KIF9: variants seen among roughly 807,000 people sequenced by gnomAD.
KIF9 encodes kinesin-like protein KIF9.
KIF9 carries 68 observed loss-of-function variants against 94.8 expected under a neutral mutation model. The ratio of observed to expected loss-of-function variants is 0.72; its 90% CI spans 0.59 to 0.88. The LOEUF is 0.88. KIF9 is among the 40% of genes least tolerant of loss of function. The pLI, the probability that KIF9 is intolerant of heterozygous loss-of-function variation, is 0.00. For missense variants in KIF9, 882 were observed against 982.5 expected (o/e 0.90, Z 1.37); for synonymous variants, 343 against 362.1 (o/e 0.95, Z 0.60).
intron 5 of KIF9, among the ~76,000 whole-genome samples, chr3:47,270,850 T>TA (rs1291923831): frequency 3.3e-5 from 5 of 149,508 alleles, no homozygotes; most frequent in African/African-American, 4.9e-5. Flanking sequence ...TCAAAGTAAG[T>TA]AAAAAACTAG....
At chr3:47,266,055 G>A (rs1701271900) in intron 7 of KIF9, 178 bp from the exon 8 acceptor site, 4 of 587,132 alleles carry the variant, frequency 6.8e-6, no homozygotes, top group Non-Finnish European at 3.0e-6. Context: ...GCTAATAATG[G>A]TAATACCAAA....
chr3:47,275,044 A>G (rs1701871471), intron 3 of KIF9, among the ~76,000 whole-genome samples: 1 of 152,236 alleles, frequency 6.6e-6, no homozygotes, highest in South Asian at 2.1e-4. Context: ...CGTATCTTCA[A>G]AACTAATACT....
rs115270319 is a variant in KIF9, at chr3:47,236,144, C to A, written c.2107G>T (p.Asp703Tyr). The change falls in exon 19 of 21, where the codon GAC (aspartate) becomes TAC (tyrosine). Residue 703 changes from aspartate (D) to tyrosine (Y), a missense_variant. Physicochemically the swap from Asp to Tyr is radical, Grantham distance 160. Coordinates refer to ENST00000684063, the MANE Select transcript of KIF9 (RefSeq NM_182902.4). ...QCRHRLLMEF[D>Y]IWYNESFVIP... ...ACAAAGGACTCATTGTACCAGATGTCAAATTCTACAAGGAGGTGAGGAGAC... is the reference window on the plus strand; with the variant it reads ...ACAAAGGACTCATTGTACCAGATGTAAAATTCTACAAGGAGGTGAGGAGAC... The A allele has an allele frequency of 6.2e-7, 1 of 1,611,798 alleles. No homozygotes were observed. Among genetic ancestry groups the A allele is most frequent in the Admixed American group, 1.7e-5 (1 of 60,004 alleles).
At chr3:47,281,170 A>G (rs1401133825) in intron 1 of KIF9, 1 of 632,864 alleles carries the variant, frequency 1.6e-6, no homozygotes, top group Admixed American at 2.4e-5. Context: ...CTGAATCTTC[A>G]TATGTGGGTC....
chr3:47,256,021 C>A (rs1264588855), intron 10 of KIF9, among the ~76,000 whole-genome samples: 1 of 152,222 alleles, frequency 6.6e-6, no homozygotes, highest in Non-Finnish European at 1.5e-5. Context: ...CCCGGCCTCC[C>A]GAGGTGCCGG....
Position 47,277,270 on chromosome 3 carries a change from C to T in KIF9, c.93+12G>A, listed in dbSNP as rs1166340947. Reference sequence around the variant, plus strand: ...AGGCCCAGTCAGTTGAAGGCAAACACATCGCACTTACTCTTTTGTCATCTC... The same window carrying T: ...AGGCCCAGTCAGTTGAAGGCAAACATATCGCACTTACTCTTTTGTCATCTC... On this transcript the variant is annotated intron_variant, in intron 2 of 20. Coordinates refer to ENST00000684063, the MANE Select transcript of KIF9 (RefSeq NM_182902.4). 2 of 1,605,224 alleles carry T rather than the reference C, an allele frequency of 1.2e-6. No individual in the cohort carries two copies. Among genetic ancestry groups the T allele is most frequent in the Non-Finnish European group, 1.7e-6 (2 of 1,172,260 alleles).
intron 9 of KIF9, among the ~76,000 whole-genome samples, chr3:47,260,905 G>C (rs1033557573): frequency 6.6e-6 from 1 of 152,224 alleles, no homozygotes; most frequent in South Asian, 2.1e-4. Context: ...TGAGGGAGGC[G>C]AGAGCCAGGT....
intron 20 of KIF9, 38 bp from the exon 21 acceptor site, chr3:47,228,740 G>A (rs1462298368): frequency 3.2e-6 from 5 of 1,568,150 alleles, no homozygotes; most frequent in Non-Finnish European, 4.4e-6. Context: ...AACTTATTAG[G>A]AGGGACAGAC....
intron 1 of KIF9, among the ~76,000 whole-genome samples, chr3:47,278,686 AG>A (rs1334890271): frequency 6.6e-6 from 1 of 152,086 alleles, no homozygotes. Context: ...AAAATTAGCC[AG>A]GCAGCCAGGT....
chr3:47,238,664 TTTTG>T (rs1185560765), intron 17 of KIF9: 1 of 152,098 alleles, frequency 6.6e-6, no homozygotes, highest in Non-Finnish European at 1.5e-5. Context: ...GATAAATTTT[TTTTG>T]TTTGTTTTTT....
chr3:47,258,455 T>C (rs1290471162), intron 9 of KIF9, among the ~76,000 whole-genome samples: 1 of 152,232 alleles, frequency 6.6e-6, no homozygotes, highest in Admixed American at 6.5e-5. Context: ...TTTTAAATTA[T>C]TGAGATATTT....
chr3:47,282,630 GGT>G lies in KIF9; in HGVS notation c.-143_-142del. The stretch of plus-strand genomic sequence containing the variant: ...CTTCCGGGGATTCCGGAAGTGTCGG[GGT>G]GGCGGAAATGAAGTCCGAGGTCCTA... On this transcript the variant is annotated 5_prime_UTR_variant, in exon 1 of 21. Transcript: ENST00000684063. The G allele has an allele frequency of 8.7e-7, 1 of 1,146,330 alleles. No individual in the cohort carries two copies. The allele number at this position is 1,146,330 out of a possible 1,614,324, so 71.0% of individuals were successfully genotyped here.
In KIF9 at chr3:47,275,359, C is replaced by T; in HGVS notation, c.225G>A (p.Lys75=). 1 of 1,613,664 alleles carries T rather than the reference C, an allele frequency of 6.2e-7. No homozygotes were observed. Among genetic ancestry groups the T allele is most frequent in the Admixed American group, 1.7e-5 (1 of 59,852 alleles). The change falls in exon 3 of 21, where the codon AAG becomes AAA. Residue 75 remains lysine, a synonymous_variant. Coordinates refer to ENST00000684063, the MANE Select transcript of KIF9 (RefSeq NM_182902.4). ...SQDLVYETVA[K]DVVSQALDGY... is the part of the protein sequence containing the mutation. ...CATCGAGGGCCTGAGAAACCACATCCTTTGCAACTGTCTCATAAACCAAGT... is the reference window on the plus strand; with the variant it reads ...CATCGAGGGCCTGAGAAACCACATCTTTTGCAACTGTCTCATAAACCAAGT...
chr3:47,274,311 T>C (rs1294139909), intron 3 of KIF9, among the ~76,000 whole-genome samples: 1 of 152,180 alleles, frequency 6.6e-6, no homozygotes, highest in African/African-American at 2.4e-5. Context: ...CCTTTAGGTC[T>C]ACCATCACCA....
intron 17 of KIF9, chr3:47,239,966 T>A: frequency 7.4e-7 from 1 of 1,358,428 alleles, no homozygotes; most frequent in South Asian, 1.1e-5. Flanking sequence ...CAGTGTGGCC[T>A]CTGAACCACC....
chr3:47,237,501 C>T (rs1432832900), intron 17 of KIF9, among the ~76,000 whole-genome samples: 1 of 152,212 alleles, frequency 6.6e-6, no homozygotes, highest in East Asian at 1.9e-4. Flanking sequence ...TTGCATGGAT[C>T]TTTTAAGGTC....
intron 5 of KIF9, among the ~76,000 whole-genome samples, chr3:47,270,317 G>A (rs1319069758): frequency 1.3e-5 from 2 of 149,644 alleles, no homozygotes; most frequent in Admixed American, 6.7e-5. Flanking sequence ...GCAATGGTAC[G>A]ATCTTGGCTC....
chr3:47,282,464 C>T (rs1702453367), intron 1 of KIF9, 31 bp downstream of exon 1: 1 of 989,786 alleles, frequency 1.0e-6, no homozygotes, highest in African/African-American at 1.7e-5. Context: ...TCCCGTCTCC[C>T]CACTCCCACC....
chr3:47,233,445 C>T (rs1698765240), intron 20 of KIF9, among the ~76,000 whole-genome samples: 2 of 151,100 alleles, frequency 1.3e-5, no homozygotes, highest in Admixed American at 1.3e-4. Flanking sequence ...CCTGTAATCC[C>T]AGCACTTTGG....
Sources: gnomAD v4.1 joint callset for allele counts (sites outside exome capture counted in the v4.1 genomes callset) on GRCh38, gnomAD v4.1.1 for gene constraint, MANE v1.5 for transcripts, NCBI Gene and HGNC (gene_info 2026-07-23, HGNC 2026-07-21) for gene names.